The following DSP variants were observed in gnomAD, a reference collection of about 807,000 sequenced individuals.
DSP encodes the protein 250/210 kDa paraneoplastic pemphigus antigen.
Under a neutral mutation model 290.6 loss-of-function variants are expected in DSP, and 114 were observed. The ratio of observed to expected loss-of-function variants is 0.39; its 90% confidence interval spans 0.34 to 0.46. The LOEUF (loss-of-function observed/expected upper bound fraction) is 0.46, where lower values mean the gene tolerates loss of function less well. Among genes scored for constraint, DSP ranks in the 20% least tolerant of loss-of-function variants. The pLI is 0.99. For synonymous variants in DSP, 1,311 were observed against 1,316.4 expected (o/e 1.00, Z 0.09); for missense variants, 3,230 against 3,495.8 (o/e 0.92, Z 1.92).
Position 7,583,812 on chromosome 6 carries a change from G to A in DSP, c.6550G>A (p.Val2184Met), listed in dbSNP as rs774832931. Residue 2184 changes from valine to methionine, a missense_variant, in exon 24 of 24, where the codon GTG (valine) becomes ATG (methionine). Val to Met is a conservative substitution (Grantham distance 21, BLOSUM62 1). Coordinates refer to ENST00000379802, the MANE Select transcript of DSP (RefSeq NM_004415.4). The surrounding 1 kb of genome is among the most constrained non-coding windows in gnomAD (Gnocchi z 4.0). ...DPVTKKKVSY[V>M]QLKERCRIEP... is the part of the protein sequence containing the mutation. ...AGTCACCAAAAAGAAGGTCAGTTAC[G>A]TGCAGCTGAAGGAACGGTGCAGAAT... The A allele has an allele frequency of 2.3e-5, 37 of 1,614,006 alleles. No homozygotes were observed. The highest frequency in any genetic ancestry group is 7.7e-5 in the South Asian group (7 of 91,074).
In DSP at chr6:7,581,207, G is replaced by C. The variant is rs1228893930; in HGVS notation, c.5017G>C (p.Glu1673Gln). 2 of 1,614,190 alleles carry C rather than the reference G, an allele frequency of 1.2e-6. No homozygotes were observed. Among genetic ancestry groups the C allele is most frequent in the Admixed American group, 1.7e-5 (1 of 60,028 alleles). The stretch of plus-strand genomic sequence containing the variant: ...GAGGCGGCAGTTACTCCAGGAACAG[G>C]AAAGTGTCAAACAAGCTCACTTGAG... The part of the protein sequence containing the change: ...ALRRQLLQEQ[E>Q]SVKQAHLRNE... Residue 1673 changes from glutamate to glutamine, a missense_variant, in exon 23 of 24, where the codon GAA (glutamate) becomes CAA (glutamine). Physicochemically the swap from Glu to Gln is conservative, Grantham distance 29. This residue lies in a region of DSP where 1,714 missense variants were observed against 1,844.5 expected (regional missense o/e 0.93). Transcript: ENST00000379802.
Position 7,565,759 on chromosome 6 carries a change from G to C in DSP, c.939+239G>C. 1.9e-6 allele frequency: 1 copy of C among 521,944 alleles called. No individual in the cohort carries two copies. Among genetic ancestry groups the C allele is most frequent in the East Asian group, 3.6e-5 (1 of 27,462 alleles). The allele number at this position is 521,944 out of a possible 1,614,324, so 32.3% of individuals were successfully genotyped here. On this transcript the variant is annotated intron_variant, in intron 7 of 23. Coordinates refer to ENST00000379802, the MANE Select transcript of DSP (RefSeq NM_004415.4). This position sits in a 1 kb window ranked among gnomAD's most constrained non-coding sequence, Gnocchi z 4.2. ...TACCACATGTTCTCACTTAGGAGTG[G>C]GAACTAAATGATGAGAATACATGGA...
At chr6:7,569,394 A>C in intron 12 of DSP, 54 bp downstream of exon 12, 2 of 1,613,496 alleles carry the variant, frequency 1.2e-6, no homozygotes, top group Non-Finnish European at 1.7e-6. Flanking sequence ...GTGAGGGCAG[A>C]GGAAGAGGGC....
At chr6:7,545,411 A>T (rs569025972) in intron 1 of DSP, among the ~76,000 whole-genome samples, 1 of 152,296 alleles carries the variant, frequency 6.6e-6, no homozygotes, top group South Asian at 2.1e-4. Flanking sequence ...GAATCCACTT[A>T]GGGCTGGGTT....
At position 7,578,574 on chromosome 6, in the gene DSP, T is replaced by G. The variant is rs376185608; in HGVS notation, c.3084+12T>G. 6.3e-7 allele frequency: 1 copy of G among 1,596,724 alleles called. No individual in the cohort carries two copies. Among genetic ancestry groups the G allele is most frequent in the Non-Finnish European group, 8.6e-7 (1 of 1,164,530 alleles). On this transcript the variant is annotated intron_variant, in intron 22 of 23. Coordinates refer to ENST00000379802, the MANE Select transcript of DSP (RefSeq NM_004415.4). ...TGGAAGATCTGAAGGTAATTTATAC[T>G]GTCTTTTCTTGTAGCGTCAAAAAAG... is the stretch of plus-strand genomic sequence containing the variant.
At chr6:7,563,313 C>CTTTT (rs70978990) in intron 5 of DSP, among the ~76,000 whole-genome samples, 4 of 138,988 alleles carry the variant, frequency 2.9e-5, no homozygotes, top group Admixed American at 7.2e-5. Context: ...AATCACTAAA[C>CTTTT]TTTTTTTTTT....
chr6:7,542,131 G>GGGA (rs1235814663), intron 1 of DSP, 46 bp downstream of exon 1: 1 of 1,548,424 alleles, frequency 6.5e-7, no homozygotes, highest in Non-Finnish European at 8.7e-7. Context: ...TCGCGGGACA[G>GGGA]GGAGGGACCG....
chr6:7,559,512 G>A, intron 4 of DSP, 112 bp downstream of exon 4: 1 of 1,355,102 alleles, frequency 7.4e-7, no homozygotes, highest in Non-Finnish European at 1.0e-6. Flanking sequence ...GGTGGCGGCA[G>A]CAGCTTGCTG....
chr6:7,585,620 G>A lies in DSP; in HGVS notation c.8358G>A (p.Lys2786=), dbSNP rs1759636996. ...AAACCAAATTAAAAATATCCTATAA[G>A]GATGCCATAAATCGCTCCATGGTAG... The part of the protein sequence containing the change: ...CPKTKLKISY[K]DAINRSMVED... The change falls in exon 24 of 24, where the codon AAG becomes AAA. Residue 2786 remains lysine, a synonymous_variant. Transcript: ENST00000379802. The A allele has an allele frequency of 6.2e-7, 1 of 1,614,202 alleles. No individual in the cohort carries two copies. Among genetic ancestry groups the A allele is most frequent in the Non-Finnish European group, 8.5e-7 (1 of 1,180,050 alleles).
At position 7,581,016 on chromosome 6, in the gene DSP, C is replaced by T. The variant is rs1383577532; in HGVS notation, c.4826C>T (p.Ala1609Val). The change falls in exon 23 of 24, where the codon GCC becomes GTC. Residue 1609 changes from alanine to valine, a missense_variant. Physicochemically the swap from Ala to Val is moderately conservative, Grantham distance 64. This residue lies in a region of DSP where 1,714 missense variants were observed against 1,844.5 expected (regional missense o/e 0.93). Coordinates refer to ENST00000379802, the MANE Select transcript of DSP (RefSeq NM_004415.4). ...ATGAGGAGGTCGCTGAAGGAGCAAG[C>T]CATCAAAATCACCAACCTGACCCAG... The part of the protein sequence containing the change: ...EGMRRSLKEQ[A>V]IKITNLTQQL... The T allele has an allele frequency of 1.2e-6, 2 of 1,613,998 alleles. No individual in the cohort carries two copies. The highest frequency in any genetic ancestry group is 3.3e-5 in the Admixed American group (2 of 60,022).
At position 7,583,687 on chromosome 6, in the gene DSP, T is replaced by C; in HGVS notation, c.6425T>C (p.Phe2142Ser). 1 of 1,613,998 alleles carries C rather than the reference T, an allele frequency of 6.2e-7. No homozygotes were observed. The highest frequency in any genetic ancestry group is 1.1e-5 in the South Asian group (1 of 91,070). Residue 2142 changes from phenylalanine (F) to serine (S), a missense_variant, in exon 24 of 24, where the codon TTT becomes TCT. Phe to Ser is a radical substitution (Grantham distance 155, BLOSUM62 -2). This residue lies in a region of DSP where 1,714 missense variants were observed against 1,844.5 expected (regional missense o/e 0.93). Coordinates refer to ENST00000379802, the MANE Select transcript of DSP (RefSeq NM_004415.4). The surrounding 1 kb of genome is among the most constrained non-coding windows in gnomAD (Gnocchi z 4.0). ...GGVVDPVNSV[F>S]LPKDVALARG... ...GTAGTAGACCCTGTGAACAGTGTCT[T>C]TTTGCCAAAAGATGTCGCCTTGGCC...
chr6:7,546,161 G>T (rs1404245179), intron 1 of DSP, among the ~76,000 whole-genome samples: 1 of 152,198 alleles, frequency 6.6e-6, no homozygotes, highest in Non-Finnish European at 1.5e-5. Context: ...GTCTGAACCA[G>T]GGTGAGGGCA....
Position 7,586,460 on chromosome 6 carries a change from C to G in DSP, c.*582C>G, listed in dbSNP as rs1010634388. 1 of 152,186 alleles carries G rather than the reference C, an allele frequency of 6.6e-6. No homozygotes were observed. Among genetic ancestry groups the G allele is most frequent in the Non-Finnish European group, 1.5e-5 (1 of 68,102 alleles). 9.4% of individuals were successfully genotyped at this position (152,186 alleles called of 1,614,324 possible). A position where few individuals can be genotyped will look rare whatever the true frequency, so the allele number is the denominator to read the frequency against. On this transcript the variant is annotated 3_prime_UTR_variant, in exon 24 of 24. Transcript: ENST00000379802. ...GTATTAATTTGACTGTGCATGACAG[C>G]GGCAATCTTTTCTTTGGTCAAAGTT... is the stretch of plus-strand genomic sequence containing the variant.
At position 7,541,922 on chromosome 6, in the gene DSP, T is replaced by G; in HGVS notation, c.7T>G (p.Cys3Gly). Residue 3 changes from cysteine to glycine, a missense_variant, in exon 1 of 24, where the codon TGC becomes GGC. Physicochemically the swap from Cys to Gly is radical, Grantham distance 159 (BLOSUM62 -3). Around this residue, in one of 5 missense-constraint regions of DSP, gnomAD observed 646 missense variants for 684.3 expected, o/e 0.94. Transcript: ENST00000379802. MS[C>G]NGGSHPRINT... is the part of the protein sequence containing the mutation. ...CTCCCGATTGCCCGCCGACATGAGC[T>G]GCAACGGAGGCTCCCACCCGCGGAT... 6.2e-7 allele frequency: 1 copy of G among 1,610,042 alleles called. No individual in the cohort carries two copies. Among genetic ancestry groups the G allele is most frequent in the South Asian group, 1.1e-5 (1 of 90,522 alleles).
chr6:7,541,997 T>C lies in DSP; in HGVS notation c.82T>C (p.Tyr28His), dbSNP rs766454930. The C allele has an allele frequency of 2.5e-6, 4 of 1,599,324 alleles. No individual in the cohort carries two copies. The highest frequency in any genetic ancestry group is 1.7e-5 in the Admixed American group (1 of 58,324). The change falls in exon 1 of 24, where the codon TAC (tyrosine) becomes CAC (histidine). Residue 28 changes from tyrosine (Y) to histidine (H), a missense_variant. Physicochemically the swap from Tyr to His is moderately conservative, Grantham distance 83. Around this residue, in one of 5 missense-constraint regions of DSP, gnomAD observed 646 missense variants for 684.3 expected, o/e 0.94. Coordinates refer to ENST00000379802, the MANE Select transcript of DSP (RefSeq NM_004415.4). Reference protein sequence around the residue: ...IRAESGPDLRYEVTSGGGGTS... With the variant: ...IRAESGPDLRHEVTSGGGGTS... ...CGCCGAGTCTGGCCCGGACCTGCGCTACGAGGTGACCAGCGGCGGCGGGGG... is the reference window on the plus strand; with the variant it reads ...CGCCGAGTCTGGCCCGGACCTGCGCCACGAGGTGACCAGCGGCGGCGGGGG...
chr6:7,555,129 A>G (rs1342393541), intron 1 of DSP, among the ~76,000 whole-genome samples: 4 of 152,202 alleles, frequency 2.6e-5, no homozygotes, highest in Non-Finnish European at 5.9e-5. Context: ...TGAAGCTGAA[A>G]TAGCTGTGTG....
rs765753289 is a variant in DSP, at chr6:7,581,370, T to C, written c.5180T>C (p.Leu1727Pro). ...ATGTTAGAAGAAGAACTGCGGAACCTGAGGCTGGAGTACGATGACCTGAGG... is the reference window on the plus strand; with the variant it reads ...ATGTTAGAAGAAGAACTGCGGAACCCGAGGCTGGAGTACGATGACCTGAGG... ...HLMLEEELRN[L>P]RLEYDDLRRG... The change falls in exon 23 of 24, where the codon CTG becomes CCG. Residue 1727 changes from leucine to proline, a missense_variant. Leu to Pro is a moderately conservative substitution (Grantham distance 98). This residue lies in a region of DSP where 1,714 missense variants were observed against 1,844.5 expected (regional missense o/e 0.93). Coordinates refer to ENST00000379802, the MANE Select transcript of DSP (RefSeq NM_004415.4). 6.2e-7 allele frequency: 1 copy of C among 1,614,118 alleles called. No homozygotes were observed. The highest frequency in any genetic ancestry group is 1.1e-5 in the South Asian group (1 of 91,066).
At chr6:7,556,323 C>T (rs887391237) in intron 2 of DSP, among the ~76,000 whole-genome samples, 3 of 152,004 alleles carry the variant, frequency 2.0e-5, no homozygotes, top group African/African-American at 7.3e-5. Context: ...GAGAACCTTG[C>T]GATGTTTCTT....
rs148095061 is a variant in DSP, at chr6:7,562,697, G to A, written c.643G>A (p.Glu215Lys). 3.4e-5 allele frequency: 55 copies of A among 1,614,020 alleles called. No homozygotes were observed. The highest frequency in any genetic ancestry group is 1.6e-4 in the Middle Eastern group (1 of 6,084). The stretch of plus-strand genomic sequence containing the variant: ...CTGGGGTGTGGACCTGGCCTCAGTG[G>A]AGCAGCACATTAACAGCCACCGGGG... Reference protein sequence around the residue: ...VAWGVDLASVEQHINSHRGIH... With the variant: ...VAWGVDLASVKQHINSHRGIH... The change falls in exon 5 of 24, where the codon GAG becomes AAG. Residue 215 changes from glutamate (E) to lysine (K), a missense_variant. By Grantham distance (56) the Glu-to-Lys change is moderately conservative (BLOSUM62 1). This residue lies in a region of DSP where 646 missense variants were observed against 684.3 expected (regional missense o/e 0.94). Coordinates refer to ENST00000379802, the MANE Select transcript of DSP (RefSeq NM_004415.4).
Sources: allele counts gnomAD v4.1 joint callset (sites outside exome capture counted in the v4.1 genomes callset), GRCh38; gene constraint gnomAD v4.1.1; regional missense constraint gnomAD v4.1.1; non-coding constraint Gnocchi (gnomAD v3.1); transcripts MANE v1.5; gene names NCBI Gene and HGNC (gene_info 2026-07-23, HGNC 2026-07-21).